UBE4B: variants seen among roughly 807,000 people sequenced by gnomAD.
UBE4B encodes the protein ubiquitin conjugation factor E4 B.
A neutral mutation model predicts 148.1 loss-of-function variants in UBE4B; 27 were observed. The observed-to-expected ratio is 0.18, with a 90% CI of 0.13 to 0.25. The LOEUF (loss-of-function observed/expected upper bound fraction) is 0.25, where lower values mean the gene tolerates loss of function less well. Ranked by LOEUF, UBE4B falls within the 10% of genes least tolerant of loss-of-function variation. UBE4B has a pLI of 1.00. For synonymous variants in UBE4B, 596 were observed against 619.3 expected (o/e 0.96, Z 0.56); for missense variants, 1,170 against 1,662.4 (o/e 0.70, Z 5.15).
intron 25 of UBE4B, among the ~76,000 whole-genome samples, chr1:10,172,143 C>T (rs1212669153): frequency 2.6e-5 from 4 of 152,060 alleles, no homozygotes; most frequent in African/African-American, 9.7e-5. Flanking sequence ...TCCTTTATTC[C>T]GTGGGTCTCC....
chr1:10,127,331 C>T (rs1288850225), intron 11 of UBE4B, among the ~76,000 whole-genome samples: 1 of 152,090 alleles, frequency 6.6e-6, no homozygotes, highest in African/African-American at 2.4e-5. Context: ...CTTGTTCACC[C>T]TCCCTGTTTC....
At chr1:10,130,159 T>A (rs1039213595) in intron 12 of UBE4B, among the ~76,000 whole-genome samples, 2 of 151,970 alleles carry the variant, frequency 1.3e-5, no homozygotes, top group African/African-American at 4.8e-5. Context: ...CTGCAACCTC[T>A]GCCTCCTGGG....
chr1:10,082,770 A>C (rs935416215), intron 2 of UBE4B, among the ~76,000 whole-genome samples: 7 of 150,344 alleles, frequency 4.7e-5, no homozygotes, highest in Admixed American at 4.0e-4. Context: ...TAAGCCTCTC[A>C]TGCATTAGGT....
chr1:10,052,390 T>A (rs545268096), intron 1 of UBE4B, among the ~76,000 whole-genome samples: 1 of 152,276 alleles, frequency 6.6e-6, no homozygotes, highest in African/African-American at 2.4e-5. Context: ...TTTAATTAGT[T>A]AGATTTTCTG....
chr1:10,073,760 C>T (rs975748832), intron 2 of UBE4B, among the ~76,000 whole-genome samples: 1 of 151,944 alleles, frequency 6.6e-6, no homozygotes, highest in Non-Finnish European at 1.5e-5. Flanking sequence ...AATTCATGAT[C>T]ACAAACTCGG....
intron 12 of UBE4B, 96 bp from the exon 13 acceptor site, chr1:10,130,404 T>A: frequency 9.5e-7 from 1 of 1,047,218 alleles, no homozygotes; most frequent in Non-Finnish European, 1.5e-6. Context: ...TTTAATAATA[T>A]CTTGTGAAAA....
intron 2 of UBE4B, among the ~76,000 whole-genome samples, chr1:10,081,084 C>T (rs924386750): frequency 3.3e-5 from 5 of 152,046 alleles, no homozygotes; most frequent in South Asian, 2.1e-4. Context: ...ATTATTGAGA[C>T]GAAGTTTCGC....
At position 10,106,469 on chromosome 1, in the gene UBE4B, A is replaced by G. The variant is rs1248326290; in HGVS notation, c.1082A>G (p.Gln361Arg). The change falls in exon 7 of 28, where the codon CAA becomes CGA. Residue 361 changes from glutamine (Q) to arginine (R), a missense_variant. Gln to Arg is a conservative substitution (Grantham distance 43, BLOSUM62 1). Transcript: ENST00000343090. The surrounding 1 kb of genome is among the most constrained non-coding windows in gnomAD (Gnocchi z 4.2). ...PSPPALASSP[Q>R]AVPASSSRQR... ...CCCCCTGCCCTCGCCAGTAGCCCCC[A>G]AGCAGTGCCCGCCAGCAGTTCCAGA... 2 of 1,613,730 alleles carry G rather than the reference A, an allele frequency of 1.2e-6. No individual in the cohort carries two copies. Among genetic ancestry groups the G allele is most frequent in the South Asian group, 2.2e-5 (2 of 91,050 alleles).
chr1:10,168,077 C>A lies in UBE4B; in HGVS notation c.3199-59C>A. 2 of 1,557,266 alleles carry A rather than the reference C, an allele frequency of 1.3e-6. No individual in the cohort carries two copies. Among genetic ancestry groups the A allele is most frequent in the African/African-American group, 2.7e-5 (2 of 73,306 alleles). On this transcript the variant is annotated intron_variant, in intron 23 of 27. Transcript: ENST00000343090. The surrounding 1 kb of genome is among the most constrained non-coding windows in gnomAD (Gnocchi z 4.9). ...GCACTTTCCAGTTATGTGCTTGGCGCTTTGCTGAGCTGATGACCAGGACCG... is the reference window on the plus strand; with the variant it reads ...GCACTTTCCAGTTATGTGCTTGGCGATTTGCTGAGCTGATGACCAGGACCG...
At chr1:10,136,343 GC>G (rs1206756401) in intron 16 of UBE4B, among the ~76,000 whole-genome samples, 1 of 152,024 alleles carries the variant, frequency 6.6e-6, no homozygotes, top group Non-Finnish European at 1.5e-5. Flanking sequence ...GGTGGCACAT[GC>G]CTGTGTTCCC....
intron 15 of UBE4B, among the ~76,000 whole-genome samples, chr1:10,133,633 G>A (rs1645631693): frequency 6.6e-6 from 1 of 152,172 alleles, no homozygotes; most frequent in African/African-American, 2.4e-5. Flanking sequence ...GAAAGAGGCC[G>A]GGCATGGTGG....
chr1:10,103,892 C>T (rs1645059106), intron 5 of UBE4B, among the ~76,000 whole-genome samples: 1 of 152,046 alleles, frequency 6.6e-6, no homozygotes. Flanking sequence ...TCCCAAAGTG[C>T]TGGGATTACA....
At chr1:10,094,977 C>T (rs1485198177) in intron 2 of UBE4B, among the ~76,000 whole-genome samples, 1 of 152,082 alleles carries the variant, frequency 6.6e-6, no homozygotes, top group African/African-American at 2.4e-5. Flanking sequence ...TGAGGTTTCA[C>T]CATGTTGGCC....
chr1:10,101,006 C>A, intron 3 of UBE4B, 102 bp from the exon 4 acceptor site: 2 of 971,690 alleles, frequency 2.1e-6, no homozygotes, highest in Non-Finnish European at 3.1e-6. Flanking sequence ...TTTTCCTTTC[C>A]TGATTAACTG....
At chr1:10,159,537 G>GT in intron 22 of UBE4B, among the ~76,000 whole-genome samples, 1 of 152,282 alleles carries the variant, frequency 6.6e-6, no homozygotes, top group Admixed American at 6.5e-5. Context: ...GCCAGGCATG[G>GT]TGGTGGGCGC....
intron 1 of UBE4B, among the ~76,000 whole-genome samples, chr1:10,053,715 A>G (rs1033587872): frequency 2.0e-5 from 3 of 151,244 alleles, no homozygotes; most frequent in African/African-American, 4.9e-5. Context: ...AGGTCTTGCT[A>G]TGTCACCCAG....
intron 1 of UBE4B, chr1:10,054,783 CTTTTTTT>C: frequency 8.0e-6 from 1 of 125,232 alleles, no homozygotes. Flanking sequence ...TATCTTTCTC[CTTTTTTT>C]TTTTTTTTTT....
At chr1:10,170,362 G>GA (rs1380282909) in intron 24 of UBE4B, among the ~76,000 whole-genome samples, 1 of 152,122 alleles carries the variant, frequency 6.6e-6, no homozygotes, top group African/African-American at 2.4e-5. Flanking sequence ...AGTATATGTT[G>GA]AATTTGTATA....
At chr1:10,129,347 A>G (rs200443424) in intron 11 of UBE4B, 45 bp from the exon 12 acceptor site, 46 of 1,551,842 alleles carry the variant, frequency 3.0e-5, no homozygotes, top group Middle Eastern at 1.7e-4. Context: ...AATGACAGTC[A>G]GTTTAAGATG....
Sources: allele counts gnomAD v4.1 joint callset (sites outside exome capture counted in the v4.1 genomes callset), GRCh38; gene constraint gnomAD v4.1.1; non-coding constraint Gnocchi (gnomAD v3.1); transcripts MANE v1.5; gene names NCBI Gene and HGNC (gene_info 2026-07-23, HGNC 2026-07-21).